The following NOX1 variants were observed in gnomAD, a reference collection of about 807,000 sequenced individuals.
NOX1 encodes the protein NADPH oxidase 1.
Under a neutral mutation model 42.5 loss-of-function variants are expected in NOX1, and 34 were observed. The ratio of observed to expected loss-of-function variants is 0.80; its 90% CI spans 0.61 to 1.07. The LOEUF is 1.07. NOX1 is among the 50% of genes least tolerant of loss of function. The pLI, the probability that NOX1 is intolerant of heterozygous loss-of-function variation, is 0.00. For synonymous variants in NOX1, 143 were observed against 152.5 expected, an observed-to-expected ratio of 0.94 and a Z score of 0.46; for missense variants, 408 against 427.0, an observed-to-expected ratio of 0.96 and a Z score of 0.39.
chrX:100,866,058 T>C (rs1602392587), intron 2 of NOX1, among the ~76,000 whole-genome samples: 1 of 110,509 alleles, frequency 9.0e-6, no homozygotes, highest in Non-Finnish European at 1.9e-5. Flanking sequence ...CCGTCTCTAC[T>C]AAAAATACAA....
intron 7 of NOX1, among the ~76,000 whole-genome samples, chrX:100,861,613 C>T (rs2085203596): frequency 9.0e-6 from 1 of 111,620 alleles, no homozygotes; most frequent in African/African-American, 3.3e-5. Flanking sequence ...CAAAGAAAGC[C>T]CACTTCAAGA....
chrX:100,844,680 G>C (rs1169974256), intron 12 of NOX1, among the ~76,000 whole-genome samples: 1 of 111,741 alleles, frequency 8.9e-6, no homozygotes, highest in Non-Finnish European at 1.9e-5. Flanking sequence ...TGATCCGCCT[G>C]CCTCAGCCTC....
chrX:100,862,160 A>G lies in NOX1; in HGVS notation c.804+11T>C. 1 of 1,211,213 alleles carries G rather than the reference A, an allele frequency of 8.3e-7. No homozygotes were observed. Among genetic ancestry groups the G allele is most frequent in the Non-Finnish European group, 1.1e-6 (1 of 894,778 alleles). On this transcript the variant is annotated intron_variant, in intron 7 of 12. Coordinates refer to ENST00000372966, the MANE Select transcript of NOX1 (RefSeq NM_007052.5). Reference sequence around the variant, plus strand: ...CTAACAAGAGTCTGTCCTTGCCCGTAGGGCTCTTACCTCAGGGGGATGCCC... The same window carrying G: ...CTAACAAGAGTCTGTCCTTGCCCGTGGGGCTCTTACCTCAGGGGGATGCCC...
At position 100,873,725 on chromosome X, in the gene NOX1, T is replaced by G. The variant is rs1023106660; in HGVS notation, c.45+370A>C. 5.4e-5 allele frequency among the ~76,000 whole-genome samples: 6 copies of G among 111,978 alleles called. No individual in the cohort carries two copies. The East Asian group carries it at 1.7e-3, about 31-fold the overall frequency. ...TAGTGGTCAGTACTGGGCCAGATGA[T>G]CTCTAAGATCACTTTCATCTCAAAC... On this transcript the variant is annotated intron_variant, in intron 1 of 12. Coordinates refer to ENST00000372966, the MANE Select transcript of NOX1 (RefSeq NM_007052.5).
chrX:100,867,267 G>A (rs762679181), intron 2 of NOX1, among the ~76,000 whole-genome samples: 2,537 of 111,440 alleles, frequency 0.023, 45 homozygotes, highest in Non-Finnish European at 0.037. Context: ...TGATCCGCCC[G>A]CCTCGGCCTC....
In NOX1 at chrX:100,849,941, G is replaced by A; in HGVS notation, c.1134-7C>T. On this transcript the variant is annotated splice_region_variant and splice_polypyrimidine_tract_variant and intron_variant, in intron 9 of 12. Coordinates refer to ENST00000372966, the MANE Select transcript of NOX1 (RefSeq NM_007052.5). Reference sequence around the variant, plus strand: ...GGGACCATCCACTTCAATCCTGGCAGAAGACAGAAGATAACGGGCAACTGA... The same window carrying A: ...GGGACCATCCACTTCAATCCTGGCAAAAGACAGAAGATAACGGGCAACTGA... 3 of 1,184,568 alleles carry A rather than the reference G, an allele frequency of 2.5e-6. No homozygotes were observed. Among genetic ancestry groups the A allele is most frequent in the Non-Finnish European group, 3.4e-6 (3 of 883,047 alleles).
chrX:100,870,615 C>T, intron 2 of NOX1, 104 bp downstream of exon 2: 1 of 580,378 alleles, frequency 1.7e-6, no homozygotes, highest in Non-Finnish European at 2.8e-6. Flanking sequence ...CTTTTTCTGG[C>T]AACCCTAGCC....
intron 7 of NOX1, among the ~76,000 whole-genome samples, chrX:100,856,619 C>T (rs1017329226): frequency 1.8e-5 from 2 of 110,201 alleles, no homozygotes; most frequent in African/African-American, 6.6e-5. Context: ...GTCAACCAGG[C>T]TGGAGTGCGG....
intron 1 of NOX1, 124 bp downstream of exon 1, chrX:100,873,971 T>C (rs1396701096): frequency 2.2e-6 from 1 of 452,603 alleles, no homozygotes; most frequent in Non-Finnish European, 3.7e-6. Flanking sequence ...TTTAACTAAC[T>C]GGTCTTGATG....
chrX:100,844,812 G>T (rs2085061508), intron 12 of NOX1, among the ~76,000 whole-genome samples: 1 of 111,849 alleles, frequency 8.9e-6, no homozygotes, highest in South Asian at 3.8e-4. Context: ...ACCACATAGG[G>T]TTGTTTTAAG....
Position 100,862,449 on chromosome X carries a change from C to A in NOX1, c.614G>T (p.Trp205Leu). The A allele has an allele frequency of 8.3e-7, 1 of 1,210,352 alleles. No individual in the cohort carries two copies. The highest frequency in any genetic ancestry group is 1.1e-6 in the Non-Finnish European group (1 of 894,366). The part of the protein sequence containing the change: ...FIRRSYFEVF[W>L]YTHHLFIFYI... ...GAAGATAAAAAGGTGGTGAGTATAC[C>A]AGAAGACTTCAAAATAACTCCTCCG... The change falls in exon 6 of 13, where the codon TGG becomes TTG. Residue 205 changes from tryptophan (W) to leucine (L), a missense_variant. Transcript: ENST00000372966.
At chrX:100,851,006 A>AT (rs111677960) in intron 8 of NOX1, among the ~76,000 whole-genome samples, 3,024 of 104,295 alleles carry the variant, frequency 0.029, 82 homozygotes, top group African/African-American at 0.088. Flanking sequence ...CGCTCAGCTA[A>AT]TTTTTTTTTT....
intron 7 of NOX1, among the ~76,000 whole-genome samples, chrX:100,853,347 T>TTTCTTTCTTTCTTTCTTTCC (rs2085141141): frequency 1.0e-5 from 1 of 95,598 alleles, no homozygotes. Context: ...TCTTTCTTTC[T>TTTCTTTCTTTCTTTCTTTCC]TTCTTTCTTT....
intron 2 of NOX1, among the ~76,000 whole-genome samples, chrX:100,865,808 A>T (rs997341590): frequency 8.9e-6 from 1 of 112,353 alleles, no homozygotes; most frequent in Non-Finnish European, 1.9e-5. Flanking sequence ...AGATTTCAAG[A>T]CACTAACTTG....
In NOX1 at chrX:100,862,730, C is replaced by T. The variant is rs1408098178; in HGVS notation, c.428G>A (p.Ser143Asn). Reference sequence around the variant, plus strand: ...CCCCTTTTTCTCATCATGAGATAGGCTGGAGAGAATGGAGGCAAGGGAGCC... The same window carrying T: ...CCCCTTTTTCTCATCATGAGATAGGTTGGAGAGAATGGAGGCAAGGGAGCC... Reference protein sequence around the residue: ...TDGSLASILSSLSHDEKKGGS... With the variant: ...TDGSLASILSNLSHDEKKGGS... Residue 143 changes from serine (S) to asparagine (N), a missense_variant, in exon 5 of 13, where the codon AGC (serine) becomes AAC (asparagine). By Grantham distance (46) the Ser-to-Asn change is conservative. Transcript: ENST00000372966. The T allele has an allele frequency of 2.0e-5, 24 of 1,198,517 alleles. No individual in the cohort carries two copies. The highest frequency in any genetic ancestry group is 2.7e-5 in the Non-Finnish European group (24 of 891,634).
At chrX:100,850,506 T>C (rs1165030009) in intron 8 of NOX1, 120 bp from the exon 9 acceptor site, 1 of 469,479 alleles carries the variant, frequency 2.1e-6, no homozygotes, top group African/African-American at 2.4e-5. Flanking sequence ...ACACAAGTCC[T>C]CTCTAAAGAG....
Position 100,870,784 on chromosome X carries a change from A to G in NOX1, c.76T>C (p.Phe26Leu). 2 of 1,194,006 alleles carry G rather than the reference A, an allele frequency of 1.7e-6. No individual in the cohort carries two copies. Among genetic ancestry groups the G allele is most frequent in the Non-Finnish European group, 2.3e-6 (2 of 880,720 alleles). The change falls in exon 2 of 13, where the codon TTT (phenylalanine) becomes CTT (leucine). Residue 26 changes from phenylalanine (F) to leucine (L), a missense_variant. Phe to Leu is a conservative substitution (Grantham distance 22). Transcript: ENST00000372966. ...VVWLGLNVFL[F>L]VDAFLKYEKA... ...TCATATTTCAGGAAGGCATCCACAAACAGGAAAACATTCAGCCCTAACCAA... is the reference window on the plus strand; with the variant it reads ...TCATATTTCAGGAAGGCATCCACAAGCAGGAAAACATTCAGCCCTAACCAA...
intron 7 of NOX1, chrX:100,855,517 C>T (rs1490026702): frequency 8.3e-6 from 6 of 725,717 alleles, no homozygotes; most frequent in Admixed American, 2.2e-5. Flanking sequence ...CTGCCAAAGC[C>T]GCCTCTGCCT....
chrX:100,852,294 C>A (rs1269660027), intron 7 of NOX1, among the ~76,000 whole-genome samples: 4 of 110,978 alleles, frequency 3.6e-5, no homozygotes, highest in African/African-American at 1.3e-4. Flanking sequence ...CATGGTGAAA[C>A]CCCATCTCTG....
Sources: gnomAD v4.1 joint callset for allele counts (sites outside exome capture counted in the v4.1 genomes callset) on GRCh38, gnomAD v4.1.1 for gene constraint, MANE v1.5 for transcripts, NCBI Gene and HGNC (gene_info 2026-07-23, HGNC 2026-07-21) for gene names.